Variants in CFAP69 observed in about 807,000 individuals in gnomAD.
CFAP69 encodes cilia- and flagella-associated protein 69.
A neutral mutation model predicts 123.0 loss-of-function variants in CFAP69; 92 were observed. The ratio of observed to expected loss-of-function variants is 0.75; its 90% CI spans 0.63 to 0.89. The LOEUF (loss-of-function observed/expected upper bound fraction) is 0.89. Ranked by LOEUF, CFAP69 falls within the 40% of genes least tolerant of loss-of-function variation. CFAP69 has a pLI of 0.00. For missense variants in CFAP69, 1,067 were observed against 1,096.9 expected, an observed-to-expected ratio of 0.97 and a Z score of 0.39; for synonymous variants, 380 against 364.3, an observed-to-expected ratio of 1.04 and a Z score of -0.49.
chr7:90,276,189 C>A (rs9649143), intron 9 of CFAP69: 132,906 of 152,250 alleles, frequency 0.87, 58,141 homozygotes, highest in East Asian at 1. Context: ...CTGGCTGTGA[C>A]GACCTCAGCC....
chr7:90,292,053 A>G (rs887035267), intron 15 of CFAP69, among the ~76,000 whole-genome samples: 1 of 152,150 alleles, frequency 6.6e-6, no homozygotes, highest in Non-Finnish European at 1.5e-5. Flanking sequence ...TTCTCTCTCC[A>G]GTTTCCCATT....
In CFAP69 at chr7:90,306,802, T is replaced by C. The variant is rs941121736; in HGVS notation, c.2266-99T>C. On this transcript the variant is annotated intron_variant, in intron 19 of 22. Coordinates refer to ENST00000389297, the MANE Select transcript of CFAP69 (RefSeq NM_001039706.3). ...GGAAGTAATTTAGGAAAAGTTTAAGTGTTAACAGGAGTGACTAACCATATA... is the reference window on the plus strand; with the variant it reads ...GGAAGTAATTTAGGAAAAGTTTAAGCGTTAACAGGAGTGACTAACCATATA... The C allele has an allele frequency of 5.4e-5, 39 of 726,558 alleles. No individual in the cohort carries two copies. The African/African-American group carries it at 6.1e-4, about 11-fold the overall frequency. 45.0% of individuals were successfully genotyped at this position (726,558 alleles called of 1,614,324 possible).
intron 17 of CFAP69, chr7:90,300,644 C>CTT (rs988514800): frequency 7.4e-5 from 6 of 81,316 alleles, no homozygotes; most frequent in South Asian, 3.4e-4. Flanking sequence ...ACATTTTTTT[C>CTT]TTTTTTTTTT....
intron 3 of CFAP69, 46 bp downstream of exon 3, chr7:90,258,209 T>A (rs371232611): frequency 1.9e-4 from 256 of 1,329,676 alleles, no homozygotes; most frequent in Non-Finnish European, 2.5e-4. Flanking sequence ...TATTCTGAAA[T>A]GAGAATTTCT....
the CFAP69 span, chr7:90,319,378 A>C: frequency 2.5e-6 from 1 of 398,576 alleles, no homozygotes; most frequent in Non-Finnish European, 4.4e-6. Context: ...TTTCTGTGGA[A>C]AATTATATTT....
intron 17 of CFAP69, chr7:90,300,979 T>G (rs1402228638): frequency 6.6e-6 from 1 of 152,210 alleles, no homozygotes; most frequent in Non-Finnish European, 1.5e-5. Flanking sequence ...TTTTTTCTTT[T>G]TTTTTTGGAG....
At chr7:90,255,027 A>G (rs1030564327) in intron 1 of CFAP69, among the ~76,000 whole-genome samples, 1 of 152,186 alleles carries the variant, frequency 6.6e-6, no homozygotes, top group African/African-American at 2.4e-5. Context: ...ATAAGGGGAT[A>G]CCTAGTTGAG....
At chr7:90,319,598 C>A in the CFAP69 span, 1 of 398,588 alleles carries the variant, frequency 2.5e-6, no homozygotes, top group Non-Finnish European at 4.4e-6. Flanking sequence ...AAAGAGCAAG[C>A]TTTCCAGCAC....
At chr7:90,319,281 A>G in the CFAP69 span, 1 of 398,284 alleles carries the variant, frequency 2.5e-6, no homozygotes, top group Non-Finnish European at 4.4e-6. Context: ...GGATAACTTG[A>G]AAAAAATCAG....
At chr7:90,263,343 A>G (rs1400244438) in intron 4 of CFAP69, among the ~76,000 whole-genome samples, 1 of 152,178 alleles carries the variant, frequency 6.6e-6, no homozygotes, top group East Asian at 1.9e-4. Context: ...TTTTCAAGAC[A>G]TTTTTGGAAG....
intron 15 of CFAP69, among the ~76,000 whole-genome samples, chr7:90,291,903 G>A (rs1791253092): frequency 6.6e-6 from 1 of 152,116 alleles, no homozygotes; most frequent in Admixed American, 6.5e-5. Context: ...TAGCCCTCTT[G>A]TTTCTTCTGA....
At chr7:90,268,754 C>T (rs1383790422) in intron 6 of CFAP69, among the ~76,000 whole-genome samples, 2 of 152,082 alleles carry the variant, frequency 1.3e-5, no homozygotes, top group Admixed American at 6.5e-5. Flanking sequence ...GCTACCAATG[C>T]CAGGGCCATT....
At chr7:90,307,498 G>T (rs1419265394) in intron 20 of CFAP69, among the ~76,000 whole-genome samples, 1 of 152,080 alleles carries the variant, frequency 6.6e-6, no homozygotes, top group Non-Finnish European at 1.5e-5. Flanking sequence ...GGGTGTTTCA[G>T]CCTTGAGTTA....
downstream of CFAP69, among the ~76,000 whole-genome samples, chr7:90,315,523 G>A (rs187126928): frequency 6.6e-6 from 1 of 152,302 alleles, no homozygotes; most frequent in East Asian, 1.9e-4. Flanking sequence ...AATACCGCAT[G>A]TTCTCACTTA....
At chr7:90,267,312 G>A (rs143023017) in intron 5 of CFAP69, among the ~76,000 whole-genome samples, 3 of 152,184 alleles carry the variant, frequency 2.0e-5, no homozygotes, top group Non-Finnish European at 4.4e-5. Flanking sequence ...AGAGATGAGC[G>A]TCTTGCAAGG....
chr7:90,315,006 AG>A (rs1794662682), downstream of CFAP69, among the ~76,000 whole-genome samples: 1 of 152,182 alleles, frequency 6.6e-6, no homozygotes, highest in South Asian at 2.1e-4. Flanking sequence ...ATGAAAAAAA[AG>A]CTCAATATCA....
In CFAP69 at chr7:90,271,560, A is replaced by G; in HGVS notation, c.567A>G (p.Gln189=). The G allele has an allele frequency of 6.2e-7, 1 of 1,612,666 alleles. No homozygotes were observed. Among genetic ancestry groups the G allele is most frequent in the East Asian group, 2.2e-5 (1 of 44,860 alleles). The change falls in exon 7 of 23, where the codon CAA becomes CAG. Residue 189 remains glutamine, a synonymous_variant. Transcript: ENST00000389297. ...YQQASSSYKI[Q]MAEVGGLAKT... is the part of the protein sequence containing the mutation. ...AAGCGAGTTCATCATACAAGATTCA[A>G]ATGGCTGAAGTTGGAGGATTAGCAA... is the stretch of plus-strand genomic sequence containing the variant.
At chr7:90,304,224 A>C in intron 18 of CFAP69, 118 bp downstream of exon 18, 1 of 1,395,306 alleles carries the variant, frequency 7.2e-7, no homozygotes, top group Non-Finnish European at 9.3e-7. Flanking sequence ...AGAGAAATTC[A>C]TTTTCCATTG....
chr7:90,321,023 G>C, the CFAP69 span: 1 of 152,262 alleles, frequency 6.6e-6, no homozygotes, highest in Non-Finnish European at 1.5e-5. Context: ...CGCTCGTTGG[G>C]AGGAGGACGG....
Sources: gnomAD v4.1 joint callset for allele counts (sites outside exome capture counted in the v4.1 genomes callset) on GRCh38, gnomAD v4.1.1 for gene constraint, MANE v1.5 for transcripts, NCBI Gene and HGNC (gene_info 2026-07-23, HGNC 2026-07-21) for gene names.